Variants in DLG2 observed in about 807,000 individuals in gnomAD.
DLG2 encodes the protein discs large MAGUK scaffold protein 2, also known as disks large homolog 2.
DLG2 carries 45 observed loss-of-function variants against 132.5 expected under a neutral mutation model. That is an observed-to-expected ratio of 0.34 (90% CI 0.27 to 0.44). The LOEUF is 0.44. Ranked by LOEUF, DLG2 falls within the 20% of genes least tolerant of loss-of-function variation. DLG2 has a pLI of 1.00. For missense variants in DLG2, 1,045 were observed against 1,196.9 expected (o/e 0.87, Z 1.87); for synonymous variants, 424 against 419.6 (o/e 1.01, Z -0.13).
At chr11:84,478,229 C>T (rs907568801) in intron 7 of DLG2, among the ~76,000 whole-genome samples, 2 of 152,020 alleles carry the variant, frequency 1.3e-5, no homozygotes, top group African/African-American at 2.4e-5. Context: ...AATAGCAATG[C>T]CTGTTAGAGT....
intron 4 of DLG2, among the ~76,000 whole-genome samples, chr11:85,279,674 C>G (rs2152750250): frequency 6.6e-6 from 1 of 151,596 alleles, no homozygotes; most frequent in Non-Finnish European, 1.5e-5. Flanking sequence ...CTTTTCCACC[C>G]ACTATCTCAG....
At chr11:84,071,016 T>C (rs761803383) in intron 10 of DLG2, among the ~76,000 whole-genome samples, 2 of 152,230 alleles carry the variant, frequency 1.3e-5, no homozygotes, top group Non-Finnish European at 2.9e-5. Flanking sequence ...CCTTCTTTTT[T>C]AGCCACACAT....
At chr11:85,465,342 A>C (rs2092751791) in intron 3 of DLG2, among the ~76,000 whole-genome samples, 2 of 151,974 alleles carry the variant, frequency 1.3e-5, no homozygotes, top group South Asian at 2.1e-4. Flanking sequence ...TCTAGGGTAC[A>C]TGAGCACAAT....
At chr11:84,847,233 C>G (rs993622224) in intron 6 of DLG2, among the ~76,000 whole-genome samples, 1 of 152,086 alleles carries the variant, frequency 6.6e-6, no homozygotes, top group African/African-American at 2.4e-5. Context: ...GAAGGGCCTA[C>G]AGGAGATGGT....
intron 6 of DLG2, among the ~76,000 whole-genome samples, chr11:84,912,294 T>C (rs1042381855): frequency 2.0e-5 from 3 of 152,194 alleles, no homozygotes; most frequent in African/African-American, 7.2e-5. Context: ...TAGGTGAGCC[T>C]ACAGGCACCC....
chr11:83,937,471 G>A (rs1007748081), intron 14 of DLG2, among the ~76,000 whole-genome samples: 21 of 134,616 alleles, frequency 1.6e-4, no homozygotes, highest in African/African-American at 4.5e-4. Context: ...TTGTGCCACC[G>A]CACTCCAGCC....
At chr11:84,068,365 A>G (rs188804762) in intron 10 of DLG2, among the ~76,000 whole-genome samples, 93 of 152,344 alleles carry the variant, frequency 6.1e-4, no homozygotes, top group Admixed American at 1.0e-3. Flanking sequence ...TGATTAATAC[A>G]GGCAGACTTT....
At position 85,306,505 on chromosome 11, in the gene DLG2, T is replaced by C. The variant is rs188822296; in HGVS notation, c.41-21140A>G. Among the ~76,000 whole-genome samples the C allele has an allele frequency of 1.4e-4, 22 of 152,334 alleles. 1 individual carries two copies. The highest frequency in any genetic ancestry group is 4.3e-4 in the African/African-American group (18 of 41,582). On this transcript the variant is annotated intron_variant, in intron 3 of 27. Coordinates refer to ENST00000376104, the MANE Select transcript of DLG2 (RefSeq NM_001142699.3). ...GATTTACTTGCTGCTGCCAGGTGAATGGGGCCGAAGAGCCCTTCCAACCCT... is the reference window on the plus strand; with the variant it reads ...GATTTACTTGCTGCTGCCAGGTGAACGGGGCCGAAGAGCCCTTCCAACCCT...
chr11:85,458,853 A>G (rs1224683675), intron 3 of DLG2, among the ~76,000 whole-genome samples: 1 of 152,078 alleles, frequency 6.6e-6, no homozygotes, highest in Non-Finnish European at 1.5e-5. Flanking sequence ...CTCCCACTTG[A>G]GTGCTGACTG....
chr11:84,233,828 C>T (rs973253501), intron 8 of DLG2, among the ~76,000 whole-genome samples: 7 of 152,156 alleles, frequency 4.6e-5, no homozygotes, highest in South Asian at 2.1e-4. Context: ...ACTTTTTGTG[C>T]GTCTGCATCC....
At chr11:84,835,117 C>G (rs2079571534) in intron 6 of DLG2, among the ~76,000 whole-genome samples, 1 of 151,372 alleles carries the variant, frequency 6.6e-6, no homozygotes, top group Non-Finnish European at 1.5e-5. Context: ...CTGAAGATAC[C>G]CTTGGTAATA....
chr11:83,896,074 C>T (rs2071576457), intron 15 of DLG2, among the ~76,000 whole-genome samples: 1 of 152,076 alleles, frequency 6.6e-6, no homozygotes, highest in South Asian at 2.1e-4. Context: ...GTACACTTGA[C>T]AAGGGGTGGG....
intron 5 of DLG2, among the ~76,000 whole-genome samples, chr11:85,150,429 T>C (rs1377891882): frequency 6.6e-6 from 1 of 152,170 alleles, no homozygotes; most frequent in African/African-American, 2.4e-5. Context: ...ATTACATTGC[T>C]GTGAAACACA....
intron 15 of DLG2, among the ~76,000 whole-genome samples, chr11:83,928,839 C>T (rs2079544037): frequency 6.6e-6 from 1 of 152,074 alleles, no homozygotes; most frequent in South Asian, 2.1e-4. Context: ...CAGAAGAGCT[C>T]AATAAATGTT....
chr11:84,892,163 T>C (rs1311617766), intron 6 of DLG2, among the ~76,000 whole-genome samples: 1 of 152,144 alleles, frequency 6.6e-6, no homozygotes, highest in Non-Finnish European at 1.5e-5. Context: ...ATATAAATGA[T>C]ATGTTGTGAC....
At chr11:85,509,169 C>T (rs1383446974) in intron 3 of DLG2, among the ~76,000 whole-genome samples, 2 of 151,682 alleles carry the variant, frequency 1.3e-5, no homozygotes, top group Non-Finnish European at 2.9e-5. Context: ...CTTTTAATCA[C>T]GGTTCAAGGA....
intron 14 of DLG2, among the ~76,000 whole-genome samples, chr11:83,935,683 C>A (rs548284277): frequency 1.3e-5 from 2 of 152,268 alleles, no homozygotes; most frequent in East Asian, 3.9e-4. Flanking sequence ...GCCACGCTTA[C>A]TTAACTCTTA....
intron 8 of DLG2, among the ~76,000 whole-genome samples, chr11:84,211,412 ATTAT>A (rs1343139683): frequency 6.6e-6 from 1 of 152,130 alleles, no homozygotes; most frequent in Non-Finnish European, 1.5e-5. Flanking sequence ...AGTTTGAATA[ATTAT>A]TTATTTAAGA....
chr11:85,525,288 G>A (rs1354397), intron 3 of DLG2, among the ~76,000 whole-genome samples: 28,308 of 151,980 alleles, frequency 0.19, 2,949 homozygotes, highest in East Asian at 0.31. Flanking sequence ...AATGTAATCA[G>A]TGACATCTAC....
Sources: allele counts gnomAD v4.1 joint callset (sites outside exome capture counted in the v4.1 genomes callset), GRCh38; gene constraint gnomAD v4.1.1; transcripts MANE v1.5; gene names NCBI Gene and HGNC (gene_info 2026-07-23, HGNC 2026-07-21).